The following RBM23 variants were observed in gnomAD, a reference collection of about 807,000 sequenced individuals.
RBM23 encodes RNA binding motif protein 23.
RBM23 carries 53 observed loss-of-function variants against 56.2 expected under a neutral mutation model. The ratio of observed to expected loss-of-function variants is 0.94; its 90% CI spans 0.76 to 1.19. The LOEUF (loss-of-function observed/expected upper bound fraction) is 1.19, where lower values mean the gene tolerates loss of function less well. Ranked by LOEUF, RBM23 falls within the 50% of genes most tolerant of loss-of-function variation. The pLI is 0.00. For missense variants in RBM23, 642 were observed against 590.3 expected, an observed-to-expected ratio of 1.09 and a Z score of -0.91; for synonymous variants, 197 against 198.5, an observed-to-expected ratio of 0.99 and a Z score of 0.06.
At chr14:22,904,673 T>G (rs2041222325) in intron 9 of RBM23, among the ~76,000 whole-genome samples, 1 of 152,116 alleles carries the variant, frequency 6.6e-6, no homozygotes, top group African/African-American at 2.4e-5. Context: ...ACCTGGCCTA[T>G]TATTTGATTT....
intron 10 of RBM23, chr14:22,903,665 T>G: frequency 1.0e-6 from 1 of 1,001,140 alleles, no homozygotes; most frequent in Non-Finnish European, 1.2e-6. Flanking sequence ...CTATCAGACT[T>G]TGTGGCTGGC....
chr14:22,901,788 A>G (rs1267676876), intron 13 of RBM23, 26 bp downstream of exon 13: 2 of 1,614,080 alleles, frequency 1.2e-6, no homozygotes, highest in African/African-American at 2.7e-5. Flanking sequence ...ATCAAAGGCT[A>G]GAATGAGCTA....
Position 22,897,677 on chromosome 14 carries a change from A to G in RBM23, c.*4053T>C, listed in dbSNP as rs907416691. On this transcript the variant is annotated 3_prime_UTR_variant, in exon 14 of 14. Transcript: ENST00000359890. The stretch of plus-strand genomic sequence containing the variant: ...AAAAATTCTGAGTCTACGGAGAGCT[A>G]TGGGTACAGGGATAGGAAAAGTGAC... The G allele has an allele frequency of 2.6e-5, 4 of 152,240 alleles. No homozygotes were observed. Among genetic ancestry groups the G allele is most frequent in the African/African-American group, 9.7e-5 (4 of 41,448 alleles). 9.4% of individuals were successfully genotyped at this position (152,240 alleles called of 1,614,324 possible). A position where few individuals can be genotyped will look rare whatever the true frequency, so the allele number is the denominator to read the frequency against.
At chr14:22,904,209 C>A (rs1208934622) in intron 10 of RBM23, 52 bp downstream of exon 10, 1 of 1,613,642 alleles carries the variant, frequency 6.2e-7, no homozygotes, top group African/African-American at 1.3e-5. Flanking sequence ...CAAAATCAGA[C>A]AAGTGGACAA....
rs893305944 is a variant in RBM23 at position 22,902,349 on chromosome 14, C to G, written c.964G>C (p.Glu322Gln). The change falls in exon 11 of 14, where the codon GAA becomes CAA. Residue 322 changes from glutamate to glutamine, a missense_variant. By Grantham distance (29) the Glu-to-Gln change is conservative (BLOSUM62 2). Transcript: ENST00000359890. Reference protein sequence around the residue: ...SDSECARRALEQLNGFELAGR... With the variant: ...SDSECARRALQQLNGFELAGR... ...GCAAGCTCAAACCCATTCAACTGTT[C>G]CAGGGCCCGCCGGGCACACTCAGAA... 3.1e-6 allele frequency: 5 copies of G among 1,613,746 alleles called. No homozygotes were observed. The highest frequency in any genetic ancestry group is 4.2e-6 in the Non-Finnish European group (5 of 1,179,796).
rs748416854 is a variant in RBM23, at chr14:22,909,640, AC to A, written c.67-46del. Reference sequence around the variant, plus strand: ...AATGTCACAAGGTATAAGGTGGCAGACACACAGATTCCAATGGGCAAAGGGA... The same window carrying A: ...AATGTCACAAGGTATAAGGTGGCAGAACACAGATTCCAATGGGCAAAGGGA... On this transcript the variant is annotated intron_variant, in intron 2 of 13. Transcript: ENST00000359890. The A allele has an allele frequency of 2.4e-5, 35 of 1,460,060 alleles. No homozygotes were observed. In the African/African-American group the frequency reaches 3.8e-4, roughly 16 times the overall value. The allele number at this position is 1,460,060 out of a possible 1,614,324, so 90.4% of individuals were successfully genotyped here.
At chr14:22,902,864 T>C (rs1022441007) in intron 10 of RBM23, 1 of 871,058 alleles carries the variant, frequency 1.1e-6, no homozygotes. Flanking sequence ...AACCTCCATC[T>C]CCTGGGTTCA....
rs1254267995 is a variant in RBM23, at chr14:22,904,335, G to A, written c.865-9C>T. Reference sequence around the variant, plus strand: ...AGGACAATATTATCAATCTGTAGAAGAGTGAGAAATTATCAGTAAACTTTT... The same window carrying A: ...AGGACAATATTATCAATCTGTAGAAAAGTGAGAAATTATCAGTAAACTTTT... On this transcript the variant is annotated splice_polypyrimidine_tract_variant and intron_variant, in intron 9 of 13. Coordinates refer to ENST00000359890, the MANE Select transcript of RBM23 (RefSeq NM_001077351.2). 1 of 1,600,638 alleles carries A rather than the reference G, an allele frequency of 6.2e-7. No homozygotes were observed. The highest frequency in any genetic ancestry group is 1.1e-5 in the South Asian group (1 of 90,742).
At chr14:22,915,551 G>A (rs867155315) in intron 1 of RBM23, among the ~76,000 whole-genome samples, 13 of 136,770 alleles carry the variant, frequency 9.5e-5, no homozygotes, top group South Asian at 4.7e-4. Context: ...GCTGGAGTGC[G>A]GTGGCACAAT....
chr14:22,913,347 G>C (rs1175669335), intron 1 of RBM23, among the ~76,000 whole-genome samples: 1 of 149,598 alleles, frequency 6.7e-6, no homozygotes, highest in African/African-American at 2.5e-5. Flanking sequence ...CTGGGAGGCA[G>C]AGCTTGCAGT....
intron 1 of RBM23, among the ~76,000 whole-genome samples, chr14:22,916,687 A>G (rs2043567056): frequency 6.6e-6 from 1 of 151,998 alleles, no homozygotes; most frequent in Admixed American, 6.6e-5. Context: ...ACAGTATACC[A>G]AGATACCTAC....
At position 22,906,269 on chromosome 14, in the gene RBM23, A is replaced by G. The variant is rs1381063010; in HGVS notation, c.327T>C (p.His109=). 3.1e-6 allele frequency: 5 copies of G among 1,614,186 alleles called. No individual in the cohort carries two copies. Among genetic ancestry groups the G allele is most frequent in the Non-Finnish European group, 4.2e-6 (5 of 1,180,018 alleles). ...RHRSRSWDRR[H]GSESRSRDHR... ...GGTCCCGACTTCGCGACTCACTACC[A>G]TGTCGACGATCCCAGCTACGGCTAC... The change falls in exon 5 of 14, where the codon CAT becomes CAC. Residue 109 remains histidine (H), a synonymous_variant. Transcript: ENST00000359890.
At position 22,901,870 on chromosome 14, in the gene RBM23, G is replaced by A. The variant is rs2040542886; in HGVS notation, c.1260C>T (p.Ala420=). Residue 420 remains alanine, a synonymous_variant, in exon 13 of 14, where the codon GCC becomes GCT. Transcript: ENST00000359890. ...GGAAACACTGGGAGGCAAGGTTCAG[G>A]GCTGGACTCAGAGCTAGAACAAAGA... ...NPAALTALSP[A]LNLASQCFQL... 1 of 1,614,068 alleles carries A rather than the reference G, an allele frequency of 6.2e-7. No individual in the cohort carries two copies. Among genetic ancestry groups the A allele is most frequent in the South Asian group, 1.1e-5 (1 of 91,090 alleles).
intron 2 of RBM23, among the ~76,000 whole-genome samples, chr14:22,910,788 G>C (rs935800910): frequency 6.6e-5 from 10 of 152,206 alleles, no homozygotes; most frequent in Non-Finnish European, 1.3e-4. Flanking sequence ...CAAGGTGGGT[G>C]GATCATAAGG....
At chr14:22,912,128 CAA>C (rs1296271418) in intron 1 of RBM23, among the ~76,000 whole-genome samples, 2 of 151,762 alleles carry the variant, frequency 1.3e-5, no homozygotes, top group African/African-American at 2.4e-5. Context: ...GGTTTAAACT[CAA>C]ATAATAAAAA....
intron 1 of RBM23, among the ~76,000 whole-genome samples, chr14:22,915,994 G>T (rs1407926287): frequency 6.6e-6 from 1 of 152,214 alleles, no homozygotes; most frequent in African/African-American, 2.4e-5. Context: ...TAAGGCTGGA[G>T]AATGGCTTGA....
intron 2 of RBM23, among the ~76,000 whole-genome samples, chr14:22,910,599 G>A (rs1253400984): frequency 2.6e-5 from 4 of 151,942 alleles, no homozygotes; most frequent in African/African-American, 7.3e-5. Context: ...TGGGCCAGGT[G>A]CAGTGGCTCA....
At chr14:22,909,746 G>A (rs2042146008) in intron 2 of RBM23, 151 bp from the exon 3 acceptor site, 4 of 637,694 alleles carry the variant, frequency 6.3e-6, no homozygotes, top group Admixed American at 2.7e-5. Context: ...AACAAAGGGA[G>A]TAAGAAAGGA....
rs1159376020 is a variant in RBM23 at position 22,904,246 on chromosome 14, A to C, written c.930+15T>G. ...CCCAAAGTAAAATAAAAAAATTAAA[A>C]GACTAGAGACTCACCGTGATGAAAC... On this transcript the variant is annotated intron_variant, in intron 10 of 13. Coordinates refer to ENST00000359890, the MANE Select transcript of RBM23 (RefSeq NM_001077351.2). 6.2e-7 allele frequency: 1 copy of C among 1,614,040 alleles called. No homozygotes were observed. The highest frequency in any genetic ancestry group is 2.2e-5 in the East Asian group (1 of 44,868).
Sources: gnomAD v4.1 joint callset for allele counts (sites outside exome capture counted in the v4.1 genomes callset) on GRCh38, gnomAD v4.1.1 for gene constraint, MANE v1.5 for transcripts, NCBI Gene and HGNC (gene_info 2026-07-23, HGNC 2026-07-21) for gene names.